The following PIEZO2 variants were observed in gnomAD, a reference collection of about 807,000 sequenced individuals.
PIEZO2 encodes piezo-type mechanosensitive ion channel component 2.
In PIEZO2, 172 loss-of-function variants were observed where a neutral mutation model predicts 337.3. That is an observed-to-expected ratio of 0.51 (90% CI 0.45 to 0.58). The LOEUF (loss-of-function observed/expected upper bound fraction) is 0.58, where lower values mean the gene tolerates loss of function less well. PIEZO2 is among the 20% of genes least tolerant of loss of function. PIEZO2 has a pLI of 0.00. For missense variants in PIEZO2, 3,028 were observed against 3,391.3 expected (o/e 0.89, Z 2.66); for synonymous variants, 1,251 against 1,228.5 (o/e 1.02, Z -0.38).
rs1186970647 is a variant in PIEZO2, at chr18:10,888,041, C to A, written c.330-16626G>T. ...TGTCCTCTGCCTTATCAAGCTTCCA[C>A]CCACCAACTTTAGCAGACATTAATG... On this transcript the variant is annotated intron_variant, in intron 4 of 55. Coordinates refer to ENST00000674853, the MANE Select transcript of PIEZO2 (RefSeq NM_001378183.1). The surrounding 1 kb of genome is among the most constrained non-coding windows in gnomAD (Gnocchi z 4.1). Among the ~76,000 whole-genome samples, 2 of 152,190 alleles carry A rather than the reference C, an allele frequency of 1.3e-5. No homozygotes were observed. The highest frequency in any genetic ancestry group is 2.1e-4 in the South Asian group (1 of 4,828).
chr18:11,125,263 A>G lies in PIEZO2; in HGVS notation c.64+23262T>C, dbSNP rs1358358480. ...AACCATTATAAGCCCTCTTGAGCTG[A>G]TAATTCAAAAAGTATGCGAATATGT... On this transcript the variant is annotated intron_variant, in intron 1 of 55. Coordinates refer to ENST00000674853, the MANE Select transcript of PIEZO2 (RefSeq NM_001378183.1). The surrounding 1 kb of genome is among the most constrained non-coding windows in gnomAD (Gnocchi z 4.4). Among the ~76,000 whole-genome samples the G allele has an allele frequency of 3.3e-5, 5 of 152,220 alleles. No individual in the cohort carries two copies. The highest frequency in any genetic ancestry group is 5.9e-5 in the Non-Finnish European group (4 of 68,038).
chr18:10,769,975 T>C, intron 21 of PIEZO2, 173 bp downstream of exon 21: 1 of 631,180 alleles, frequency 1.6e-6, no homozygotes, highest in Non-Finnish European at 2.5e-6. Flanking sequence ...CTCTTTCCTT[T>C]TTCTCAGTGC....
At position 11,077,001 on chromosome 18, in the gene PIEZO2, A is replaced by G. The variant is rs1402055879; in HGVS notation, c.65-10779T>C. Among the ~76,000 whole-genome samples, 1 of 152,236 alleles carries G rather than the reference A, an allele frequency of 6.6e-6. No individual in the cohort carries two copies. The highest frequency in any genetic ancestry group is 6.5e-5 in the Admixed American group (1 of 15,282). ...CTTCCATAATTGTCTCTGATCTGAC[A>G]GAATAGCACCACACATTGCCTCTCA... On this transcript the variant is annotated intron_variant, in intron 1 of 55. Coordinates refer to ENST00000674853, the MANE Select transcript of PIEZO2 (RefSeq NM_001378183.1). The surrounding 1 kb of genome is among the most constrained non-coding windows in gnomAD (Gnocchi z 4.8).
At chr18:10,997,746 A>G (rs192727171) in intron 2 of PIEZO2, among the ~76,000 whole-genome samples, 62 of 152,290 alleles carry the variant, frequency 4.1e-4, no homozygotes, top group African/African-American at 1.3e-3. Context: ...AAAAGATTGA[A>G]AAAAGTTAAT....
In PIEZO2 at chr18:10,673,654, C is replaced by T. The variant is rs2033874083; in HGVS notation, c.8162-781G>A. Among the ~76,000 whole-genome samples, 1 of 152,170 alleles carries T rather than the reference C, an allele frequency of 6.6e-6. No individual in the cohort carries two copies. Among genetic ancestry groups the T allele is most frequent in the Non-Finnish European group, 1.5e-5 (1 of 68,022 alleles). On this transcript the variant is annotated intron_variant, in intron 54 of 55. Coordinates refer to ENST00000674853, the MANE Select transcript of PIEZO2 (RefSeq NM_001378183.1). The surrounding 1 kb of genome is among the most constrained non-coding windows in gnomAD (Gnocchi z 4.8). ...GAGTTGTAAAAGATAGGGTAAAAAGCTTGTAGTGACATTGTATAGGTCTTT... is the reference window on the plus strand; with the variant it reads ...GAGTTGTAAAAGATAGGGTAAAAAGTTTGTAGTGACATTGTATAGGTCTTT...
intron 42 of PIEZO2, among the ~76,000 whole-genome samples, chr18:10,703,896 A>G (rs4797461): frequency 0.23 from 34,372 of 151,992 alleles, 3,891 homozygotes; most frequent in South Asian, 0.28. Context: ...ACGTTTAAAA[A>G]TGAAAAGTAT....
intron 3 of PIEZO2, among the ~76,000 whole-genome samples, chr18:10,919,938 C>A (rs1321945059): frequency 6.6e-6 from 1 of 152,062 alleles, no homozygotes; most frequent in Non-Finnish European, 1.5e-5. Context: ...AAGGAATTTT[C>A]ACTAATAGGT....
intron 1 of PIEZO2, among the ~76,000 whole-genome samples, chr18:11,068,840 T>C (rs945319462): frequency 1.3e-5 from 2 of 151,980 alleles, no homozygotes; most frequent in Admixed American, 1.3e-4. Flanking sequence ...AGAGGAGACA[T>C]TACCACTGAT....
intron 3 of PIEZO2, among the ~76,000 whole-genome samples, chr18:10,958,772 C>T (rs1019616807): frequency 2.0e-5 from 3 of 152,002 alleles, no homozygotes; most frequent in African/African-American, 7.2e-5. Context: ...TTCGGGCAAC[C>T]CATCATTTAA....
At chr18:11,144,143 C>T (rs7504649) in intron 1 of PIEZO2, among the ~76,000 whole-genome samples, 68,028 of 151,994 alleles carry the variant, frequency 0.45, 15,501 homozygotes, top group African/African-American at 0.56. Context: ...ACACATCACC[C>T]GTAAAGAAAC....
At chr18:10,971,382 C>G (rs1459190746) in intron 3 of PIEZO2, among the ~76,000 whole-genome samples, 2 of 152,042 alleles carry the variant, frequency 1.3e-5, no homozygotes, top group Non-Finnish European at 2.9e-5. Flanking sequence ...GGAAAAACAT[C>G]TCCAATTTCC....
At chr18:10,911,314 G>C in intron 3 of PIEZO2, 86 bp from the exon 4 acceptor site, 1 of 363,140 alleles carries the variant, frequency 2.8e-6, no homozygotes, top group Non-Finnish European at 4.7e-6. Flanking sequence ...TAGATATTTG[G>C]TTTTATGTTT....
At chr18:10,851,985 A>G (rs1422684089) in intron 7 of PIEZO2, among the ~76,000 whole-genome samples, 3 of 152,196 alleles carry the variant, frequency 2.0e-5, no homozygotes, top group Admixed American at 1.3e-4. Flanking sequence ...CAAAAACCAA[A>G]AAACTTCTGC....
intron 45 of PIEZO2, 122 bp downstream of exon 45, chr18:10,697,626 T>C: frequency 7.5e-7 from 1 of 1,325,598 alleles, no homozygotes; most frequent in Non-Finnish European, 1.0e-6. Flanking sequence ...TCATTCTGCC[T>C]TACGCAGATA....
At position 11,028,213 on chromosome 18, in the gene PIEZO2, C is replaced by T. The variant is rs546329835; in HGVS notation, c.160+37914G>A. The stretch of plus-strand genomic sequence containing the variant: ...AAGGAAGCTAGGCTTTTCTGTACAT[C>T]GCCTTCTTTCTTTTCTTTTCTTTTC... On this transcript the variant is annotated intron_variant, in intron 2 of 55. Transcript: ENST00000674853. The surrounding 1 kb of genome is among the most constrained non-coding windows in gnomAD (Gnocchi z 4.8). 5.3e-5 allele frequency among the ~76,000 whole-genome samples: 8 copies of T among 152,220 alleles called. No individual in the cohort carries two copies. Among genetic ancestry groups the T allele is most frequent in the African/African-American group, 9.6e-5 (4 of 41,544 alleles).
chr18:10,916,631 A>G (rs914913822), intron 3 of PIEZO2, among the ~76,000 whole-genome samples: 4 of 152,136 alleles, frequency 2.6e-5, no homozygotes, highest in Admixed American at 1.3e-4. Context: ...CGGCGAGTGC[A>G]AGCAAAGTCC....
At chr18:11,079,947 G>A (rs574955785) in intron 1 of PIEZO2, among the ~76,000 whole-genome samples, 3 of 152,276 alleles carry the variant, frequency 2.0e-5, no homozygotes, top group Admixed American at 6.5e-5. Context: ...AAAAAACTAG[G>A]TTGTCAAATT....
chr18:10,928,312 T>C (rs2031873615), intron 3 of PIEZO2, among the ~76,000 whole-genome samples: 1 of 152,158 alleles, frequency 6.6e-6, no homozygotes, highest in Non-Finnish European at 1.5e-5. Context: ...GACAGAAGTC[T>C]TACCAAAGTC....
chr18:11,055,860 C>T (rs887392605), intron 2 of PIEZO2, among the ~76,000 whole-genome samples: 1 of 152,192 alleles, frequency 6.6e-6, no homozygotes, highest in Non-Finnish European at 1.5e-5. Context: ...GCGCCCTTCG[C>T]TGGGTGTGAT....
Sources: gnomAD v4.1 joint callset for allele counts (sites outside exome capture counted in the v4.1 genomes callset) on GRCh38, gnomAD v4.1.1 for gene constraint, Gnocchi (gnomAD v3.1) non-coding constraint, MANE v1.5 for transcripts, NCBI Gene and HGNC (gene_info 2026-07-23, HGNC 2026-07-21) for gene names.